Variants in LAMA1 observed in about 807,000 individuals in gnomAD.
LAMA1 encodes laminin subunit alpha 1, also known as laminin subunit alpha-1.
In LAMA1, 219 loss-of-function variants were observed where a neutral mutation model predicts 348.7. That is an observed-to-expected ratio of 0.63 (90% CI 0.56 to 0.70). The LOEUF is 0.70. Among genes scored for constraint, LAMA1 ranks in the 30% least tolerant of loss-of-function variants. The pLI, the probability that LAMA1 is intolerant of heterozygous loss-of-function variation, is 0.00. For missense variants in LAMA1, 3,744 were observed against 3,888.0 expected, an observed-to-expected ratio of 0.96 and a Z score of 0.99; for synonymous variants, 1,487 against 1,491.0, an observed-to-expected ratio of 1.00 and a Z score of 0.06.
intron 53 of LAMA1, chr18:6,960,772 CT>C (rs2057603377): frequency 6.6e-6 from 1 of 151,892 alleles, no homozygotes; most frequent in Non-Finnish European, 1.5e-5. Context: ...GTTCTGCAAA[CT>C]TGTGTTCCAG....
chr18:6,956,694 G>C lies in LAMA1; in HGVS notation c.8036C>G (p.Pro2679Arg). The change falls in exon 56 of 63, where the codon CCT (proline) becomes CGT (arginine). Residue 2679 changes from proline to arginine, a missense_variant. Pro to Arg is a moderately radical substitution (Grantham distance 103). Coordinates refer to ENST00000389658, the MANE Select transcript of LAMA1 (RefSeq NM_005559.4). ...GTCCTCTGCATCGGGAGCCAGCTTA[G>C]GCCTTTCTGACAGCCAGCAGGTGTC... is the stretch of plus-strand genomic sequence containing the variant. ...DLDTCWLSER[P>R]KLAPDAEDSK... The C allele has an allele frequency of 1.2e-6, 2 of 1,614,200 alleles. No homozygotes were observed. The highest frequency in any genetic ancestry group is 1.7e-6 in the Non-Finnish European group (2 of 1,180,038).
Position 7,010,265 on chromosome 18 carries a change from T to G in LAMA1, c.3808A>C (p.Ile1270Leu). 6.2e-7 allele frequency: 1 copy of G among 1,614,186 alleles called. No individual in the cohort carries two copies. The highest frequency in any genetic ancestry group is 8.5e-7 in the Non-Finnish European group (1 of 1,180,040). ...IKGGRIRKQV[I>L]YMDAPAPENG... ...TCTGGGGCTGGTGCATCCATGTAAA[T>G]GACTTGCTTTCTGATCCGACCACCT... is the stretch of plus-strand genomic sequence containing the variant. The change falls in exon 26 of 63, where the codon ATT (isoleucine) becomes CTT (leucine). Residue 1270 changes from isoleucine (I) to leucine (L), a missense_variant. Coordinates refer to ENST00000389658, the MANE Select transcript of LAMA1 (RefSeq NM_005559.4).
At chr18:7,020,433 A>G (rs564974204) in intron 19 of LAMA1, among the ~76,000 whole-genome samples, 1 of 152,318 alleles carries the variant, frequency 6.6e-6, no homozygotes, top group South Asian at 2.1e-4. Context: ...GTTTAACCTA[A>G]CAGACTATAG....
chr18:7,034,687 T>C lies in LAMA1; in HGVS notation c.1843A>G (p.Asn615Asp), dbSNP rs2057986564. 6.2e-7 allele frequency: 1 copy of C among 1,611,240 alleles called. No individual in the cohort carries two copies. Among genetic ancestry groups the C allele is most frequent in the Non-Finnish European group, 8.5e-7 (1 of 1,177,648 alleles). ...MSHADVIIKG[N>D]GLTLSTQAEG... ...GCCTGTGTGCTTAAAGTGAGTCCGTTTCCCTAACATTTAAAAACAAGAGAA... is the reference window on the plus strand; with the variant it reads ...GCCTGTGTGCTTAAAGTGAGTCCGTCTCCCTAACATTTAAAAACAAGAGAA... The change falls in exon 14 of 63, where the codon AAC becomes GAC. Residue 615 changes from asparagine (N) to aspartate (D), a missense_variant. This residue lies in a region of LAMA1 where 1,529 missense variants were observed against 1,689.4 expected (regional missense o/e 0.91). Coordinates refer to ENST00000389658, the MANE Select transcript of LAMA1 (RefSeq NM_005559.4).
intron 1 of LAMA1, among the ~76,000 whole-genome samples, chr18:7,098,214 A>G (rs1455657551): frequency 3.3e-5 from 5 of 151,994 alleles, no homozygotes; most frequent in Non-Finnish European, 7.4e-5. Flanking sequence ...TCCACCTCCC[A>G]GCCGCCTGCC....
chr18:7,032,956 G>GA, intron 15 of LAMA1, 28 bp downstream of exon 15: 3 of 1,533,322 alleles, frequency 2.0e-6, no homozygotes, highest in Non-Finnish European at 2.7e-6. Context: ...GGAACGAAAG[G>GA]AAAAAGACAG....
At chr18:7,036,899 T>C (rs1411632481) in intron 12 of LAMA1, among the ~76,000 whole-genome samples, 1 of 152,022 alleles carries the variant, frequency 6.6e-6, no homozygotes, top group South Asian at 2.1e-4. Context: ...GGAGCTATAA[T>C]AATTGAGATG....
At chr18:7,009,435 A>T (rs1439840496) in intron 26 of LAMA1, 69 bp from the exon 27 acceptor site, 2 of 1,535,730 alleles carry the variant, frequency 1.3e-6, no homozygotes, top group Admixed American at 3.4e-5. Context: ...ACTTATAAAG[A>T]ATAAATTCTT....
chr18:7,037,835 T>C (rs966321134), intron 11 of LAMA1, 84 bp from the exon 12 acceptor site: 10 of 1,387,216 alleles, frequency 7.2e-6, no homozygotes, highest in Non-Finnish European at 1.0e-6. Context: ...ATTTTCACAA[T>C]GAAGAAATGG....
chr18:7,039,040 T>C, intron 10 of LAMA1, 90 bp from the exon 11 acceptor site: 1 of 1,054,234 alleles, frequency 9.5e-7, no homozygotes, highest in Non-Finnish European at 1.5e-6. Context: ...TGTTCGGTGA[T>C]CCACAGAGAC....
chr18:6,985,882 C>T (rs1157703275), intron 37 of LAMA1, among the ~76,000 whole-genome samples: 2 of 152,144 alleles, frequency 1.3e-5, no homozygotes, highest in African/African-American at 2.4e-5. Context: ...CCTCAGCCTC[C>T]CGAGTAGCTG....
intron 50 of LAMA1, 152 bp downstream of exon 50, chr18:6,965,136 G>A: frequency 1.0e-6 from 1 of 991,262 alleles, no homozygotes; most frequent in Non-Finnish European, 1.6e-6. Flanking sequence ...TGTGAATCCT[G>A]TTGGTTAGTA....
At chr18:7,079,017 A>G (rs1268859724) in intron 3 of LAMA1, among the ~76,000 whole-genome samples, 1 of 151,984 alleles carries the variant, frequency 6.6e-6, no homozygotes, top group East Asian at 1.9e-4. Context: ...AAAAATAAAA[A>G]AAAATTCCTG....
chr18:7,078,446 G>A (rs2058180027), intron 3 of LAMA1, among the ~76,000 whole-genome samples: 1 of 151,884 alleles, frequency 6.6e-6, no homozygotes, highest in Non-Finnish European at 1.5e-5. Flanking sequence ...GATTACAGGC[G>A]TGAGCCACCG....
At chr18:7,008,376 G>GA (rs371821195) in intron 28 of LAMA1, 112 bp downstream of exon 28, 5 of 1,239,878 alleles carry the variant, frequency 4.0e-6, no homozygotes, top group Non-Finnish European at 2.2e-6. Flanking sequence ...TTCAAAAAGA[G>GA]AAAAAAATGA....
intron 30 of LAMA1, among the ~76,000 whole-genome samples, chr18:7,000,407 G>A (rs1399426974): frequency 6.6e-6 from 1 of 152,186 alleles, no homozygotes; most frequent in African/African-American, 2.4e-5. Flanking sequence ...CTGAACACAC[G>A]CTGACGAAAA....
Position 7,034,630 on chromosome 18 carries a change from A to G in LAMA1, c.1900T>C (p.Tyr634His), listed in dbSNP as rs1386767611. ...GGCACAAGTCTAACCACGTTTAGGT[A>G]CTCTTCATAAGGCTGCAATGACAGA... ...EGLSLQPYEE[Y>H]LNVVRLVPEN... Residue 634 changes from tyrosine to histidine, a missense_variant, in exon 14 of 63, where the codon TAC becomes CAC. Around this residue, in one of 3 missense-constraint regions of LAMA1, gnomAD observed 1,529 missense variants for 1,689.4 expected, o/e 0.91. Transcript: ENST00000389658. 1 of 1,614,152 alleles carries G rather than the reference A, an allele frequency of 6.2e-7. No individual in the cohort carries two copies. The highest frequency in any genetic ancestry group is 8.5e-7 in the Non-Finnish European group (1 of 1,180,016).
chr18:6,983,831 T>C (rs1318418646), intron 39 of LAMA1, among the ~76,000 whole-genome samples: 2 of 152,230 alleles, frequency 1.3e-5, no homozygotes, highest in Non-Finnish European at 2.9e-5. Context: ...CTCTCTGTCT[T>C]GAAAATAAAG....
rs191750879 is a variant in LAMA1 at position 7,012,203 on chromosome 18, G to A, written c.3364-65C>T. On this transcript the variant is annotated intron_variant, in intron 23 of 62. Coordinates refer to ENST00000389658, the MANE Select transcript of LAMA1 (RefSeq NM_005559.4). ...AAGAGATGTGATTTCTGAACAAACA[G>A]AGACAAAATAGAGCACAAACATAAT... 3.3e-5 allele frequency: 51 copies of A among 1,524,726 alleles called. No homozygotes were observed. In the East Asian group the frequency reaches 1.1e-3, roughly 33 times the overall value. 94.4% of individuals were successfully genotyped at this position (1,524,726 alleles called of 1,614,324 possible).
Sources: gnomAD v4.1 joint callset for allele counts (sites outside exome capture counted in the v4.1 genomes callset) on GRCh38, gnomAD v4.1.1 for gene constraint, gnomAD v4.1.1 regional missense constraint, MANE v1.5 for transcripts, NCBI Gene and HGNC (gene_info 2026-07-23, HGNC 2026-07-21) for gene names.